The following RCAN2 variants were observed in gnomAD, a reference collection of about 807,000 sequenced individuals.
The protein encoded by RCAN2 is regulator of calcineurin 2.
RCAN2 carries 9 observed loss-of-function variants against 23.6 expected under a neutral mutation model. The observed-to-expected ratio is 0.38, with a 90% CI of 0.23 to 0.67. The LOEUF (loss-of-function observed/expected upper bound fraction) is 0.67, where lower values mean the gene tolerates loss of function less well. Among genes scored for constraint, RCAN2 ranks in the 30% least tolerant of loss-of-function variants. The pLI is 0.51. For synonymous variants in RCAN2, 109 were observed against 115.7 expected, an observed-to-expected ratio of 0.94 and a Z score of 0.37; for missense variants, 273 against 302.3, an observed-to-expected ratio of 0.90 and a Z score of 0.72.
At chr6:46,291,430 G>A (rs904605867) in intron 2 of RCAN2, among the ~76,000 whole-genome samples, 10 of 151,946 alleles carry the variant, frequency 6.6e-5, no homozygotes, top group South Asian at 2.1e-4. Context: ...GAGTGCCACC[G>A]AGTCCCAGCG....
chr6:46,245,381 C>A (rs1277576334), intron 4 of RCAN2, among the ~76,000 whole-genome samples: 2 of 152,204 alleles, frequency 1.3e-5, no homozygotes, highest in African/African-American at 4.8e-5. Context: ...TCATCTTAAT[C>A]TAGGTACCTG....
chr6:46,279,820 C>T (rs991866909), intron 2 of RCAN2, among the ~76,000 whole-genome samples: 3 of 152,148 alleles, frequency 2.0e-5, no homozygotes, highest in Non-Finnish European at 4.4e-5. Flanking sequence ...ACAGCTCCTT[C>T]ATAGGATTGT....
At chr6:46,223,594 C>T (rs776285146) in intron 4 of RCAN2, among the ~76,000 whole-genome samples, 11 of 152,190 alleles carry the variant, frequency 7.2e-5, no homozygotes, top group Admixed American at 2.0e-4. Context: ...AGGATGGTGG[C>T]GAGGACTGGA....
Position 46,221,448 on chromosome 6 carries a change from G to A in RCAN2, c.*1693C>T, listed in dbSNP as rs970126715. The A allele has an allele frequency of 1.3e-5, 2 of 152,768 alleles. No homozygotes were observed. Among genetic ancestry groups the A allele is most frequent in the African/African-American group, 4.8e-5 (2 of 41,438 alleles). The allele number at this position is 152,768 out of a possible 1,614,324, so 9.5% of individuals were successfully genotyped here. On this transcript the variant is annotated 3_prime_UTR_variant, in exon 5 of 5. Transcript: ENST00000371374. ...AAAACCAAAAACCTCCACAGCAAAG[G>A]AAAGTCAAAGCATATGCTTATTGTA...
chr6:46,456,951 C>A lies in RCAN2; in HGVS notation c.26G>T (p.Gly9Val), dbSNP rs761067446. ...TCCCTGCTGCCCTGGGCTCCTCATT[C>A]CGATGAAGTATGATTCTCCCCTCAT... The part of the protein sequence containing the change: MRGESYFI[G>V]MRSPGQQGHV... Residue 9 changes from glycine to valine, a missense_variant, in exon 2 of 5, where the codon GGA (glycine) becomes GTA (valine). Transcript: ENST00000371374. 6.4e-7 allele frequency: 1 copy of A among 1,550,744 alleles called. No homozygotes were observed. The highest frequency in any genetic ancestry group is 1.2e-5 in the South Asian group (1 of 84,062).
chr6:46,357,680 C>G (rs1250285226), intron 2 of RCAN2, among the ~76,000 whole-genome samples: 3 of 152,168 alleles, frequency 2.0e-5, no homozygotes, highest in African/African-American at 7.2e-5. Context: ...AGCAGAAGCT[C>G]AGCAGGGTTG....
At chr6:46,295,390 T>C (rs1007692740) in intron 2 of RCAN2, among the ~76,000 whole-genome samples, 1 of 151,930 alleles carries the variant, frequency 6.6e-6, no homozygotes, top group South Asian at 2.1e-4. Flanking sequence ...GAGACTGGCA[T>C]TGGAGGGAAG....
chr6:46,302,341 C>T (rs1457054948), intron 2 of RCAN2, among the ~76,000 whole-genome samples: 1 of 151,988 alleles, frequency 6.6e-6, no homozygotes, highest in African/African-American at 2.4e-5. Context: ...AGACATCAAG[C>T]GATGTGTTGG....
At chr6:46,447,390 T>A (rs1470967057) in intron 2 of RCAN2, among the ~76,000 whole-genome samples, 1 of 151,792 alleles carries the variant, frequency 6.6e-6, no homozygotes, top group Non-Finnish European at 1.5e-5. Flanking sequence ...TGTAACACAA[T>A]AATGGTAGAG....
At chr6:46,458,525 T>C (rs1184196414) in intron 1 of RCAN2, among the ~76,000 whole-genome samples, 1 of 152,126 alleles carries the variant, frequency 6.6e-6, no homozygotes, top group Non-Finnish European at 1.5e-5. Flanking sequence ...AAAACAATTC[T>C]TGCACTCCAA....
At chr6:46,359,590 T>A (rs1561873853) in intron 2 of RCAN2, among the ~76,000 whole-genome samples, 1 of 152,218 alleles carries the variant, frequency 6.6e-6, no homozygotes, top group East Asian at 1.9e-4. Context: ...TTTGGTTATG[T>A]ATCATTTTTC....
At chr6:46,462,819 A>C (rs1476218954) in intron 1 of RCAN2, among the ~76,000 whole-genome samples, 1 of 152,264 alleles carries the variant, frequency 6.6e-6, no homozygotes, top group Non-Finnish European at 1.5e-5. Context: ...ATCAATGTGC[A>C]TGAGATTCAC....
intron 2 of RCAN2, among the ~76,000 whole-genome samples, chr6:46,302,759 A>G (rs1762942721): frequency 6.6e-6 from 1 of 152,058 alleles, no homozygotes; most frequent in Non-Finnish European, 1.5e-5. Flanking sequence ...TTCATTGAAT[A>G]TTGGCTAGGA....
At chr6:46,349,139 T>A (rs773406144) in intron 2 of RCAN2, among the ~76,000 whole-genome samples, 1 of 152,202 alleles carries the variant, frequency 6.6e-6, no homozygotes, top group Non-Finnish European at 1.5e-5. Flanking sequence ...ACTTACTTGT[T>A]TCACAGCTTT....
intron 2 of RCAN2, among the ~76,000 whole-genome samples, chr6:46,317,521 G>C (rs1763477474): frequency 6.6e-6 from 1 of 152,012 alleles, no homozygotes; most frequent in African/African-American, 2.4e-5. Flanking sequence ...GAGTGCAGTG[G>C]CATGATCTCG....
chr6:46,465,098 C>T (rs1256197024), intron 1 of RCAN2, among the ~76,000 whole-genome samples: 1 of 152,130 alleles, frequency 6.6e-6, no homozygotes, highest in East Asian at 1.9e-4. Flanking sequence ...GCAAATAGGG[C>T]ATTTGTATTC....
chr6:46,416,866 A>G (rs1766730479), intron 2 of RCAN2, among the ~76,000 whole-genome samples: 1 of 152,146 alleles, frequency 6.6e-6, no homozygotes, highest in Non-Finnish European at 1.5e-5. Context: ...GTTTTGATAG[A>G]TATTCCAAAA....
chr6:46,400,385 A>C (rs1423375491), intron 2 of RCAN2, among the ~76,000 whole-genome samples: 1 of 152,330 alleles, frequency 6.6e-6, no homozygotes, highest in East Asian at 1.9e-4. Flanking sequence ...AAGCGAAGGC[A>C]GACCAGCCCT....
chr6:46,317,266 C>T (rs1763469341), intron 2 of RCAN2, among the ~76,000 whole-genome samples: 1 of 152,156 alleles, frequency 6.6e-6, no homozygotes, highest in South Asian at 2.1e-4. Context: ...GCTATGCCTT[C>T]AATTGCCACA....
Sources: allele counts gnomAD v4.1 joint callset (sites outside exome capture counted in the v4.1 genomes callset), GRCh38; gene constraint gnomAD v4.1.1; transcripts MANE v1.5; gene names NCBI Gene and HGNC (gene_info 2026-07-23, HGNC 2026-07-21).